Variants in MDGA2 observed in about 807,000 individuals in gnomAD.
The protein encoded by MDGA2 is MAM domain-containing glycosylphosphatidylinositol anchor protein 2.
MDGA2 carries 40 observed loss-of-function variants against 117.8 expected under a neutral mutation model. That is an observed-to-expected ratio of 0.34 (90% CI 0.26 to 0.44). The LOEUF is 0.44. MDGA2 is among the 20% of genes least tolerant of loss of function. The pLI is 1.00. For synonymous variants in MDGA2, 452 were observed against 439.0 expected (o/e 1.03, Z -0.37); for missense variants, 1,123 against 1,250.6 (o/e 0.90, Z 1.54).
At chr14:46,896,572 T>G (rs1052550221) in intron 10 of MDGA2, among the ~76,000 whole-genome samples, 1 of 152,024 alleles carries the variant, frequency 6.6e-6, no homozygotes, top group Non-Finnish European at 1.5e-5. Context: ...CCAATTTTAA[T>G]ATGAGCATTA....
intron 1 of MDGA2, among the ~76,000 whole-genome samples, chr14:47,591,748 A>G (rs1896443644): frequency 6.6e-6 from 1 of 152,164 alleles, no homozygotes; most frequent in Admixed American, 6.6e-5. Context: ...CATGTTAAAA[A>G]TTCTCAATAA....
intron 11 of MDGA2, among the ~76,000 whole-genome samples, chr14:46,878,095 C>T (rs1013843408): frequency 6.6e-6 from 1 of 151,850 alleles, no homozygotes; most frequent in African/African-American, 2.4e-5. Flanking sequence ...TGCATGCACA[C>T]AGAATTTTAA....
intron 2 of MDGA2, among the ~76,000 whole-genome samples, chr14:47,292,332 C>G (rs1248402306): frequency 1.3e-5 from 2 of 152,120 alleles, no homozygotes; most frequent in Non-Finnish European, 1.5e-5. Context: ...ATGATTCTGA[C>G]TTATTTCACA....
intron 1 of MDGA2, among the ~76,000 whole-genome samples, chr14:47,527,524 C>T (rs1894997905): frequency 6.6e-6 from 1 of 152,148 alleles, no homozygotes; most frequent in African/African-American, 2.4e-5. Flanking sequence ...CATGAGAAAA[C>T]AAGTGAGCCA....
chr14:46,986,912 G>C (rs549795201), intron 8 of MDGA2, among the ~76,000 whole-genome samples: 5 of 152,166 alleles, frequency 3.3e-5, no homozygotes, highest in African/African-American at 1.2e-4. Context: ...TCTGAGAGAT[G>C]GACTTTATAA....
intron 9 of MDGA2, among the ~76,000 whole-genome samples, chr14:46,926,693 A>T (rs1369255461): frequency 1.3e-5 from 2 of 152,166 alleles, no homozygotes; most frequent in African/African-American, 4.8e-5. Context: ...TAATTAGAAA[A>T]GAAGAGAGAA....
chr14:46,862,821 G>T lies in MDGA2; in HGVS notation c.2753-7667C>A, dbSNP rs1307821510. 2.0e-5 allele frequency among the ~76,000 whole-genome samples: 3 copies of T among 152,070 alleles called. No homozygotes were observed. In the East Asian group the frequency reaches 5.8e-4, roughly 29 times the overall value. ...TGTTTTATACATACATACAAAGTGA[G>T]AAATTATAAAATCATTATTTTCTGC... On this transcript the variant is annotated intron_variant, in intron 14 of 16. Transcript: ENST00000399232.
chr14:47,405,813 T>C (rs970034951), intron 1 of MDGA2, among the ~76,000 whole-genome samples: 10 of 152,260 alleles, frequency 6.6e-5, no homozygotes, highest in African/African-American at 2.2e-4. Flanking sequence ...ATCATATAAA[T>C]TTAATCAAAA....
chr14:47,165,398 G>A (rs983010785), intron 3 of MDGA2, among the ~76,000 whole-genome samples: 31 of 152,176 alleles, frequency 2.0e-4, no homozygotes, highest in African/African-American at 7.2e-4. Flanking sequence ...CCGAAAGTTT[G>A]AGGGGGAAAG....
At chr14:47,481,831 T>A (rs866185168) in intron 1 of MDGA2, among the ~76,000 whole-genome samples, 1 of 152,042 alleles carries the variant, frequency 6.6e-6, no homozygotes, top group South Asian at 2.1e-4. Flanking sequence ...AATGCAGTTT[T>A]CACTAGAAGC....
chr14:47,307,250 T>C (rs1019828378), intron 1 of MDGA2, among the ~76,000 whole-genome samples: 42 of 152,204 alleles, frequency 2.8e-4, no homozygotes, highest in African/African-American at 9.6e-4. Context: ...ACCTCCCTTT[T>C]TCACAATGAT....
At chr14:46,891,621 G>C (rs978293526) in intron 10 of MDGA2, among the ~76,000 whole-genome samples, 1 of 151,302 alleles carries the variant, frequency 6.6e-6, no homozygotes, top group Non-Finnish European at 1.5e-5. Flanking sequence ...TCATGATTTG[G>C]TAGAGTTTAA....
intron 14 of MDGA2, among the ~76,000 whole-genome samples, chr14:46,872,838 G>A (rs1882065030): frequency 6.6e-6 from 1 of 151,894 alleles, no homozygotes; most frequent in African/African-American, 2.4e-5. Context: ...TCAGTGTAAT[G>A]TCATGCTCTA....
At chr14:47,605,959 T>C (rs1213713030) in intron 1 of MDGA2, among the ~76,000 whole-genome samples, 1 of 152,114 alleles carries the variant, frequency 6.6e-6, no homozygotes, top group Non-Finnish European at 1.5e-5. Flanking sequence ...TCCAAGTCTC[T>C]TCCTTCATGG....
intron 3 of MDGA2, among the ~76,000 whole-genome samples, chr14:47,164,609 T>C (rs994059903): frequency 5.3e-5 from 8 of 152,150 alleles, no homozygotes; most frequent in Middle Eastern, 3.4e-3. Flanking sequence ...ACAACAGGTG[T>C]TGGAGAGGAT....
intron 16 of MDGA2, among the ~76,000 whole-genome samples, chr14:46,842,482 G>T (rs1439514165): frequency 6.6e-6 from 1 of 152,048 alleles, no homozygotes; most frequent in Non-Finnish European, 1.5e-5. Context: ...ATTAACTATT[G>T]CAACTAGTAG....
intron 1 of MDGA2, among the ~76,000 whole-genome samples, chr14:47,568,313 T>C (rs74912467): frequency 0.013 from 2,006 of 152,316 alleles, 16 homozygotes; most frequent in Non-Finnish European, 0.022. Context: ...TCTTTTAATA[T>C]AACATATAAA....
chr14:47,429,937 G>A (rs1892765579), intron 1 of MDGA2, among the ~76,000 whole-genome samples: 1 of 149,114 alleles, frequency 6.7e-6, no homozygotes, highest in African/African-American at 2.5e-5. Context: ...GACTGAAAAG[G>A]AGGTCTGGAT....
chr14:47,350,917 T>C (rs1890864049), intron 1 of MDGA2, among the ~76,000 whole-genome samples: 1 of 152,140 alleles, frequency 6.6e-6, no homozygotes, highest in Non-Finnish European at 1.5e-5. Flanking sequence ...CAAATATTGT[T>C]ATTATTTATT....
Sources: gnomAD v4.1 joint callset for allele counts (sites outside exome capture counted in the v4.1 genomes callset) on GRCh38, gnomAD v4.1.1 for gene constraint, MANE v1.5 for transcripts, NCBI Gene and HGNC (gene_info 2026-07-23, HGNC 2026-07-21) for gene names.